The following STAM variants were observed in gnomAD, a reference collection of about 807,000 sequenced individuals.
STAM encodes the protein signal transducing adapter molecule 1.
A neutral mutation model predicts 63.4 loss-of-function variants in STAM; 16 were observed. The observed-to-expected ratio is 0.25, with a 90% confidence interval of 0.17 to 0.38. The LOEUF is 0.38. STAM is among the 10% of genes least tolerant of loss of function. STAM has a pLI of 1.00. For synonymous variants in STAM, 238 were observed against 223.9 expected (o/e 1.06, Z -0.56); for missense variants, 636 against 657.1 (o/e 0.97, Z 0.35).
chr10:17,689,914 C>G (rs1326164403), intron 5 of STAM, among the ~76,000 whole-genome samples: 14 of 152,196 alleles, frequency 9.2e-5, no homozygotes, highest in Admixed American at 9.2e-4. Flanking sequence ...CACTGCTGCT[C>G]TAGAGGACAG....
At chr10:17,708,697 C>A in intron 12 of STAM, 79 bp from the exon 13 acceptor site, 5 of 1,335,910 alleles carry the variant, frequency 3.7e-6, no homozygotes, top group Non-Finnish European at 3.0e-6. Context: ...GTTTTTGTAA[C>A]TGAATACCTC....
intron 2 of STAM, among the ~76,000 whole-genome samples, chr10:17,671,578 C>T (rs78988313): frequency 0.059 from 9,052 of 152,256 alleles, 370 homozygotes; most frequent in Middle Eastern, 0.13. Flanking sequence ...TGTCCCATGA[C>T]AGGCGGGTTA....
In STAM at chr10:17,715,561, TTGTGG is replaced by T. The variant is rs781886130; in HGVS notation, c.*782_*786del. On this transcript the variant is annotated 3_prime_UTR_variant, in exon 14 of 14. Coordinates refer to ENST00000377524, the MANE Select transcript of STAM (RefSeq NM_003473.4). Reference sequence around the variant, plus strand: ...CATTTTGGCATGACATTTCAGAGTATTGTGGGACCATGAGACAAAATTAAGTACGA... The same window carrying T: ...CATTTTGGCATGACATTTCAGAGTATGACCATGAGACAAAATTAAGTACGA... 1.3e-5 allele frequency: 2 copies of T among 152,642 alleles called. No individual in the cohort carries two copies. Among genetic ancestry groups the T allele is most frequent in the Non-Finnish European group, 2.9e-5 (2 of 68,028 alleles). 9.5% of individuals were successfully genotyped at this position (152,642 alleles called of 1,614,324 possible).
At chr10:17,649,104 T>TA (rs1258895503) in intron 1 of STAM, among the ~76,000 whole-genome samples, 1 of 152,182 alleles carries the variant, frequency 6.6e-6, no homozygotes, top group Admixed American at 6.5e-5. Flanking sequence ...TAATCTTCTG[T>TA]AAAAAATATC....
intron 1 of STAM, among the ~76,000 whole-genome samples, chr10:17,655,675 G>A (rs1334070590): frequency 1.3e-5 from 2 of 152,174 alleles, no homozygotes; most frequent in African/African-American, 4.8e-5. Flanking sequence ...ACAGGGCATG[G>A]AGGAGAGTAT....
chr10:17,666,552 G>C (rs1478322740), intron 2 of STAM, among the ~76,000 whole-genome samples: 6 of 151,918 alleles, frequency 3.9e-5, no homozygotes, highest in African/African-American at 1.5e-4. Flanking sequence ...CCGCCACCAT[G>C]CCCAGCTAAT....
chr10:17,704,377 A>G (rs781835507), intron 9 of STAM, 54 bp from the exon 10 acceptor site: 8 of 1,469,598 alleles, frequency 5.4e-6, no homozygotes. Flanking sequence ...AAGTGAAAAC[A>G]TAAAGTTGCC....
chr10:17,693,744 AT>A (rs1210553040), intron 6 of STAM, among the ~76,000 whole-genome samples: 6 of 151,324 alleles, frequency 4.0e-5, no homozygotes, highest in East Asian at 1.9e-4. Context: ...ATTATTTCTG[AT>A]TTTTTTTTAC....
At chr10:17,694,884 T>G (rs41310225) in intron 6 of STAM, 165 bp from the exon 7 acceptor site, 22,883 of 556,102 alleles carry the variant, frequency 0.041, 701 homozygotes, top group African/African-American at 0.11. Context: ...TGTGAATGAA[T>G]GAATAAACTG....
intron 2 of STAM, among the ~76,000 whole-genome samples, chr10:17,684,443 A>G (rs1161440877): frequency 6.6e-6 from 1 of 151,992 alleles, no homozygotes; most frequent in Non-Finnish European, 1.5e-5. Context: ...TCCTACCCAG[A>G]ATTAGCCTGA....
At chr10:17,664,287 A>G (rs1320141016) in intron 2 of STAM, among the ~76,000 whole-genome samples, 4 of 152,024 alleles carry the variant, frequency 2.6e-5, no homozygotes, top group African/African-American at 9.7e-5. Flanking sequence ...GTGGTAAATT[A>G]TATATACAAT....
At chr10:17,674,914 G>A (rs1174952854) in intron 2 of STAM, among the ~76,000 whole-genome samples, 3 of 152,102 alleles carry the variant, frequency 2.0e-5, no homozygotes, top group Admixed American at 2.0e-4. Context: ...TTCCACTTTT[G>A]ATACTTGAGA....
intron 1 of STAM, among the ~76,000 whole-genome samples, chr10:17,648,453 C>A (rs1052937439): frequency 1.3e-5 from 2 of 152,162 alleles, no homozygotes; most frequent in East Asian, 3.8e-4. Flanking sequence ...GCTCGGGTCC[C>A]CTTCCATGCT....
At chr10:17,677,516 G>C (rs2131616312) in intron 2 of STAM, among the ~76,000 whole-genome samples, 1 of 152,218 alleles carries the variant, frequency 6.6e-6, no homozygotes, top group Non-Finnish European at 1.5e-5. Flanking sequence ...ATTCACAACT[G>C]CAAGTCAGTA....
At chr10:17,671,892 A>C (rs1374963278) in intron 2 of STAM, among the ~76,000 whole-genome samples, 1 of 152,192 alleles carries the variant, frequency 6.6e-6, no homozygotes, top group East Asian at 1.9e-4. Flanking sequence ...TCATTTATTA[A>C]TTTAGTAATA....
chr10:17,654,804 G>T (rs958131067), intron 1 of STAM, among the ~76,000 whole-genome samples: 1 of 152,114 alleles, frequency 6.6e-6, no homozygotes, highest in Non-Finnish European at 1.5e-5. Flanking sequence ...TCTAGGTCTT[G>T]TTGTTTTATT....
intron 8 of STAM, among the ~76,000 whole-genome samples, chr10:17,697,665 G>A (rs1007151211): frequency 2.0e-5 from 3 of 152,118 alleles, no homozygotes; most frequent in African/African-American, 4.8e-5. Flanking sequence ...GTGCTTTAAT[G>A]AATCTTCATA....
intron 1 of STAM, among the ~76,000 whole-genome samples, chr10:17,646,847 C>G (rs1437211377): frequency 7.9e-5 from 12 of 152,236 alleles, no homozygotes; most frequent in African/African-American, 2.9e-4. Flanking sequence ...CCATATCTAC[C>G]AATGAATATG....
At chr10:17,648,452 C>G (rs1471275401) in intron 1 of STAM, among the ~76,000 whole-genome samples, 1 of 152,154 alleles carries the variant, frequency 6.6e-6, no homozygotes, top group African/African-American at 2.4e-5. Context: ...GGCTCGGGTC[C>G]CCTTCCATGC....
Sources: allele counts gnomAD v4.1 joint callset (sites outside exome capture counted in the v4.1 genomes callset), GRCh38; gene constraint gnomAD v4.1.1; transcripts MANE v1.5; gene names NCBI Gene and HGNC (gene_info 2026-07-23, HGNC 2026-07-21).